PHF14: variants seen among roughly 807,000 people sequenced by gnomAD.
The protein encoded by PHF14 is PHD finger protein 14.
PHF14 carries 55 observed loss-of-function variants against 117.9 expected under a neutral mutation model. The ratio of observed to expected loss-of-function variants is 0.47; its 90% CI spans 0.38 to 0.58. The LOEUF (loss-of-function observed/expected upper bound fraction) is 0.58. PHF14 is among the 20% of genes least tolerant of loss of function. The pLI, the probability that PHF14 is intolerant of heterozygous loss-of-function variation, is 0.00. For missense variants in PHF14, 978 were observed against 1,122.2 expected (o/e 0.87, Z 1.84); for synonymous variants, 409 against 368.6 (o/e 1.11, Z -1.26).
At chr7:11,138,555 G>T (rs1002176870) in intron 17 of PHF14, among the ~76,000 whole-genome samples, 1 of 152,158 alleles carries the variant, frequency 6.6e-6, no homozygotes, top group African/African-American at 2.4e-5. Flanking sequence ...TGTGTTAACA[G>T]CATCAATTGT....
intron 17 of PHF14, among the ~76,000 whole-genome samples, chr7:11,156,158 A>G (rs1816518934): frequency 1.3e-5 from 2 of 152,258 alleles, no homozygotes; most frequent in African/African-American, 2.4e-5. Context: ...CTTTAATAAA[A>G]GCAAAGTAGT....
chr7:11,076,835 T>C (rs1785873996), intron 16 of PHF14, among the ~76,000 whole-genome samples: 1 of 151,680 alleles, frequency 6.6e-6, no homozygotes, highest in African/African-American at 2.4e-5. Context: ...CCCAAAGTGC[T>C]GGGATTACAG....
chr7:11,128,336 G>C (rs144890952), intron 17 of PHF14, among the ~76,000 whole-genome samples: 85 of 152,026 alleles, frequency 5.6e-4, no homozygotes, highest in African/African-American at 1.8e-3. Context: ...AAAGGGGGGT[G>C]ATATTTTTAT....
intron 16 of PHF14, chr7:11,109,640 A>G (rs1428410423): frequency 6.6e-6 from 1 of 151,942 alleles, no homozygotes; most frequent in Non-Finnish European, 1.5e-5. Flanking sequence ...GAGAAAGAGC[A>G]TAAAATTATG....
At chr7:11,017,215 G>A (rs1783564207) in intron 5 of PHF14, among the ~76,000 whole-genome samples, 1 of 152,212 alleles carries the variant, frequency 6.6e-6, no homozygotes, top group Non-Finnish European at 1.5e-5. Context: ...AAATATAGGA[G>A]TGCAGATATC....
intron 3 of PHF14, among the ~76,000 whole-genome samples, chr7:10,984,833 T>TC (rs1490602929): frequency 4.6e-5 from 7 of 152,292 alleles, no homozygotes; most frequent in South Asian, 2.1e-4. Flanking sequence ...TAGTTTTTTT[T>TC]CCCCACTAGA....
intron 16 of PHF14, among the ~76,000 whole-genome samples, chr7:11,080,157 C>G (rs1282677357): frequency 6.6e-6 from 1 of 152,118 alleles, no homozygotes; most frequent in African/African-American, 2.4e-5. Flanking sequence ...GAGGAAGTAA[C>G]TTGCCAAAAT....
chr7:11,002,687 A>G (rs1583350365), intron 4 of PHF14, among the ~76,000 whole-genome samples: 1 of 151,738 alleles, frequency 6.6e-6, no homozygotes, highest in Non-Finnish European at 1.5e-5. Context: ...CTGGTGATCC[A>G]CTCGCCTCTG....
chr7:11,076,501 A>T (rs1245513954), intron 16 of PHF14, among the ~76,000 whole-genome samples: 1 of 150,812 alleles, frequency 6.6e-6, no homozygotes, highest in African/African-American at 2.4e-5. Context: ...TTGAATGAAG[A>T]CCATCGCACA....
Position 11,098,710 on chromosome 7 carries a change from G to A in PHF14, c.2655-12640G>A, listed in dbSNP as rs78606321. The stretch of plus-strand genomic sequence containing the variant: ...CTCTAAATACCATTATTCCAAGGCT[G>A]TCTTGGACATTTACTGAACAATTTA... On this transcript the variant is annotated intron_variant, in intron 16 of 17. Coordinates refer to ENST00000634607, the MANE Select transcript of PHF14 (RefSeq NM_001007157.2). Among the ~76,000 whole-genome samples the A allele has an allele frequency of 3.9e-3, 599 of 152,256 alleles. 2 individuals carry two copies. Among genetic ancestry groups the A allele is most frequent in the African/African-American group, 0.014 (574 of 41,544 alleles).
chr7:11,059,901 G>A (rs916019289), intron 14 of PHF14, among the ~76,000 whole-genome samples: 14 of 151,858 alleles, frequency 9.2e-5, no homozygotes, highest in Non-Finnish European at 2.1e-4. Flanking sequence ...ACAAAGTCTC[G>A]TCCTGTTGCT....
In PHF14 at chr7:11,036,608, C is replaced by G. The variant is rs1784332220; in HGVS notation, c.1793C>G (p.Ser598Ter). The change falls in exon 9 of 18, where the codon TCA (serine) becomes TGA (stop). Residue 598 changes from serine to a stop codon, truncating the protein, a stop_gained. Transcript: ENST00000634607. LOFTEE classifies it high-confidence loss of function. ...ISTDIFPVDN[S>*]DTSSSVDGRR... Reference sequence around the variant, plus strand: ...ACAGATATCTTTCCAGTGGACAATTCAGATACTAGTTCTAGTGTGGATGGA... The same window carrying G: ...ACAGATATCTTTCCAGTGGACAATTGAGATACTAGTTCTAGTGTGGATGGA... 3 of 1,613,556 alleles carry G rather than the reference C, an allele frequency of 1.9e-6. No individual in the cohort carries two copies. Among genetic ancestry groups the G allele is most frequent in the Non-Finnish European group, 2.5e-6 (3 of 1,179,524 alleles).
chr7:11,102,908 C>T, intron 16 of PHF14: 1 of 1,067,964 alleles, frequency 9.4e-7, no homozygotes, highest in Non-Finnish European at 1.1e-6. Context: ...TTTGGACTTA[C>T]TGAAGAGTTA....
intron 12 of PHF14, among the ~76,000 whole-genome samples, chr7:11,042,086 G>C (rs1168073041): frequency 6.6e-6 from 1 of 151,738 alleles, no homozygotes; most frequent in Non-Finnish European, 1.5e-5. Flanking sequence ...CACAATCTTT[G>C]CAATAAATAT....
intron 17 of PHF14, among the ~76,000 whole-genome samples, chr7:11,166,012 C>G (rs1789193185): frequency 6.6e-6 from 1 of 152,138 alleles, no homozygotes; most frequent in African/African-American, 2.4e-5. Flanking sequence ...GGCTAAGGAA[C>G]CAAATTTTGT....
intron 16 of PHF14, among the ~76,000 whole-genome samples, chr7:11,082,657 G>C (rs2128336636): frequency 6.6e-6 from 1 of 152,128 alleles, no homozygotes; most frequent in African/African-American, 2.4e-5. Flanking sequence ...TAAAGAGTTG[G>C]GGATAACTAA....
intron 14 of PHF14, among the ~76,000 whole-genome samples, chr7:11,052,288 A>T (rs1034062480): frequency 7.2e-5 from 11 of 152,194 alleles, no homozygotes; most frequent in African/African-American, 2.2e-4. Flanking sequence ...TGTTGATTTG[A>T]TTCAGACATG....
intron 7 of PHF14, among the ~76,000 whole-genome samples, chr7:11,031,970 T>C (rs1324530232): frequency 6.6e-6 from 1 of 152,106 alleles, no homozygotes; most frequent in African/African-American, 2.4e-5. Context: ...TGAAACAATA[T>C]AAAACCGGGT....
At chr7:11,092,188 T>TG (rs1325931470) in intron 16 of PHF14, among the ~76,000 whole-genome samples, 1 of 152,256 alleles carries the variant, frequency 6.6e-6, no homozygotes, top group East Asian at 1.9e-4. Flanking sequence ...CCCCTTTATC[T>TG]GTTTTGTATT....
Sources: gnomAD v4.1 joint callset for allele counts (sites outside exome capture counted in the v4.1 genomes callset) on GRCh38, gnomAD v4.1.1 for gene constraint, MANE v1.5 for transcripts, NCBI Gene and HGNC (gene_info 2026-07-23, HGNC 2026-07-21) for gene names.